Variants in NAV3 observed in about 807,000 individuals in gnomAD.
The protein encoded by NAV3 is pore membrane and/or filament interacting like protein 1.
Under a neutral mutation model 244.7 loss-of-function variants are expected in NAV3, and 87 were observed. That is an observed-to-expected ratio of 0.36 (90% confidence interval 0.30 to 0.42). The LOEUF (loss-of-function observed/expected upper bound fraction) is 0.42, where lower values mean the gene tolerates loss of function less well. Ranked by LOEUF, NAV3 falls within the 20% of genes least tolerant of loss-of-function variation. The pLI, the probability that NAV3 is intolerant of heterozygous loss-of-function variation, is 1.00. For synonymous variants in NAV3, 1,126 were observed against 1,042.2 expected, an observed-to-expected ratio of 1.08 and a Z score of -1.55; for missense variants, 2,663 against 2,893.3, an observed-to-expected ratio of 0.92 and a Z score of 1.83.
intron 3 of NAV3, among the ~76,000 whole-genome samples, chr12:77,946,921 T>C (rs1890403330): frequency 6.6e-6 from 1 of 152,124 alleles, no homozygotes; most frequent in South Asian, 2.1e-4. Context: ...TCTGATTATG[T>C]GAAATAGTTA....
chr12:77,967,858 A>G (rs1892650645), intron 4 of NAV3, among the ~76,000 whole-genome samples: 1 of 152,168 alleles, frequency 6.6e-6, no homozygotes, highest in South Asian at 2.1e-4. Context: ...TTATTAATAT[A>G]TAGCATAAAT....
rs188631894 is a variant in NAV3 at position 78,059,572 on chromosome 12, C to T, written c.2636+457C>T. Among the ~76,000 whole-genome samples the T allele has an allele frequency of 2.2e-3, 336 of 152,298 alleles. 3 individuals are homozygous for T. Among genetic ancestry groups the T allele is most frequent in the African/African-American group, 7.8e-3 (325 of 41,576 alleles). ...AAAGTACTGGGATTACAGGCATGAGCCTCTACGCCCCGCCTATTTGGGGAT... is the reference window on the plus strand; with the variant it reads ...AAAGTACTGGGATTACAGGCATGAGTCTCTACGCCCCGCCTATTTGGGGAT... On this transcript the variant is annotated intron_variant, in intron 12 of 39. Coordinates refer to ENST00000397909, the MANE Select transcript of NAV3 (RefSeq NM_001024383.2).
chr12:78,148,560 G>C (rs1026125857), intron 21 of NAV3, among the ~76,000 whole-genome samples: 8 of 152,100 alleles, frequency 5.3e-5, no homozygotes, highest in African/African-American at 1.9e-4. Context: ...TCAATACAGA[G>C]GGTAAACTGC....
At chr12:77,579,427 C>A (rs1592469809) in intron 2 of NAV3, among the ~76,000 whole-genome samples, 1 of 152,214 alleles carries the variant, frequency 6.6e-6, no homozygotes, top group Admixed American at 6.5e-5. Flanking sequence ...GATCTGGATG[C>A]TGGCAAGTCC....
At chr12:78,094,734 T>C (rs1363109095) in intron 12 of NAV3, among the ~76,000 whole-genome samples, 1 of 152,186 alleles carries the variant, frequency 6.6e-6, no homozygotes, top group East Asian at 1.9e-4. Flanking sequence ...TAGTTCCTTG[T>C]ACATCAAAAA....
intron 2 of NAV3, among the ~76,000 whole-genome samples, chr12:77,575,924 T>C (rs1869059407): frequency 6.6e-6 from 1 of 152,170 alleles, no homozygotes; most frequent in African/African-American, 2.4e-5. Flanking sequence ...GTTGCTGTAT[T>C]CCGTAAACCG....
intron 2 of NAV3, among the ~76,000 whole-genome samples, chr12:77,624,128 C>G (rs11831599): frequency 2.6e-5 from 4 of 151,814 alleles, no homozygotes; most frequent in Admixed American, 2.6e-4. Flanking sequence ...TTACAGAATA[C>G]GTTATTTTAG....
intron 31 of NAV3, among the ~76,000 whole-genome samples, chr12:78,187,886 C>T (rs773125928): frequency 6.6e-6 from 1 of 151,878 alleles, no homozygotes; most frequent in Non-Finnish European, 1.5e-5. Flanking sequence ...TCCTACCAAG[C>T]TGCTTCTCTT....
At chr12:77,693,010 C>T (rs185467664) in intron 2 of NAV3, among the ~76,000 whole-genome samples, 6 of 151,988 alleles carry the variant, frequency 3.9e-5, no homozygotes, top group African/African-American at 7.2e-5. Flanking sequence ...TGGATAAAGA[C>T]GGGAACATTC....
chr12:77,944,871 T>C (rs1565944761), intron 3 of NAV3, among the ~76,000 whole-genome samples: 1 of 152,138 alleles, frequency 6.6e-6, no homozygotes, highest in Non-Finnish European at 1.5e-5. Context: ...CTCTAATACG[T>C]GGACTACCCC....
intron 9 of NAV3, among the ~76,000 whole-genome samples, chr12:78,034,124 G>A (rs770121): frequency 0.63 from 95,590 of 152,050 alleles, 30,437 homozygotes; most frequent in Non-Finnish European, 0.67. Flanking sequence ...TCCCAACTTC[G>A]GCACTGTGGA....
chr12:77,610,851 C>T (rs1870880296), intron 2 of NAV3, among the ~76,000 whole-genome samples: 1 of 151,518 alleles, frequency 6.6e-6, no homozygotes, highest in Non-Finnish European at 1.5e-5. Context: ...TTTTAAGAGT[C>T]CGTGTATGTT....
intron 30 of NAV3, among the ~76,000 whole-genome samples, chr12:78,184,774 G>A (rs1317614082): frequency 1.3e-5 from 2 of 151,638 alleles, no homozygotes; most frequent in Non-Finnish European, 1.5e-5. Context: ...GAATGTAATG[G>A]AGTTTCATTT....
chr12:77,933,672 A>T (rs922991561), intron 1 of NAV3, among the ~76,000 whole-genome samples: 10 of 152,186 alleles, frequency 6.6e-5, no homozygotes, highest in Non-Finnish European at 4.4e-5. Flanking sequence ...ATATGATGTT[A>T]CCCAAAACTT....
chr12:78,178,517 A>G (rs1958355380), intron 28 of NAV3, among the ~76,000 whole-genome samples: 1 of 152,146 alleles, frequency 6.6e-6, no homozygotes, highest in Non-Finnish European at 1.5e-5. Flanking sequence ...AAACCACAGA[A>G]ACTAAAATTG....
intron 2 of NAV3, among the ~76,000 whole-genome samples, chr12:77,748,665 T>A (rs904929011): frequency 2.6e-5 from 4 of 152,126 alleles, no homozygotes; most frequent in African/African-American, 7.2e-5. Flanking sequence ...ATAATCTCAC[T>A]TAGATGTGGG....
Position 77,647,136 on chromosome 12 carries a change from G to A in NAV3, c.72+74870G>A, listed in dbSNP as rs150892539. Among the ~76,000 whole-genome samples, 361 of 151,880 alleles carry A rather than the reference G, an allele frequency of 2.4e-3. 2 individuals are homozygous for A. The highest frequency in any genetic ancestry group is 7.6e-3 in the African/African-American group (313 of 41,420). On this transcript the variant is annotated intron_variant, in intron 2 of 8. Transcript: ENST00000550042. Reference sequence around the variant, plus strand: ...GTCGATGTGTACAAAAGGTAACGACGGTAGCAGCAAAACTTTGGAAATATC... The same window carrying A: ...GTCGATGTGTACAAAAGGTAACGACAGTAGCAGCAAAACTTTGGAAATATC...
chr12:78,106,800 C>A (rs1443378535), intron 12 of NAV3, among the ~76,000 whole-genome samples: 3 of 152,182 alleles, frequency 2.0e-5, no homozygotes, highest in South Asian at 2.1e-4. Context: ...CCCTGGGGAA[C>A]AAAGATAGGC....
intron 5 of NAV3, among the ~76,000 whole-genome samples, chr12:77,988,959 T>G (rs1677887): frequency 0.1 from 15,157 of 151,962 alleles, 1,011 homozygotes; most frequent in East Asian, 0.3. Context: ...TTAAGAAAAA[T>G]AAAGGAGCTA....
Sources: allele counts gnomAD v4.1 joint callset (sites outside exome capture counted in the v4.1 genomes callset), GRCh38; gene constraint gnomAD v4.1.1; transcripts MANE v1.5; gene names NCBI Gene and HGNC (gene_info 2026-07-23, HGNC 2026-07-21).